The following ZNF398 variants were observed in gnomAD, a reference collection of about 807,000 sequenced individuals.
The protein encoded by ZNF398 is zinc finger protein 398.
Under a neutral mutation model 41.9 loss-of-function variants are expected in ZNF398, and 18 were observed. That is an observed-to-expected ratio of 0.43 (90% CI 0.30 to 0.64). ZNF398 has a LOEUF of 0.64. ZNF398 is among the 30% of genes least tolerant of loss of function. The pLI is 0.14. For synonymous variants in ZNF398, 260 were observed against 308.8 expected (o/e 0.84, Z 1.66); for missense variants, 669 against 822.8 (o/e 0.81, Z 2.29).
intron 4 of ZNF398, among the ~76,000 whole-genome samples, chr7:149,167,543 C>T (rs1585533560): frequency 6.6e-6 from 1 of 152,084 alleles, no homozygotes; most frequent in Non-Finnish European, 1.5e-5. Flanking sequence ...TAGAAGCACA[C>T]AGAAAGTTGA....
chr7:149,141,970 A>T (rs1267981499), intron 2 of ZNF398, among the ~76,000 whole-genome samples: 1 of 152,046 alleles, frequency 6.6e-6, no homozygotes, highest in Admixed American at 6.6e-5. Flanking sequence ...TTTGTTTAAG[A>T]CAGGGTCTCG....
At chr7:149,176,722 A>G (rs2129521803) in intron 5 of ZNF398, 141 bp downstream of exon 5, 1 of 559,144 alleles carries the variant, frequency 1.8e-6, no homozygotes, top group East Asian at 3.0e-5. Flanking sequence ...AACATTATGA[A>G]TGAAACCAAA....
At chr7:149,160,177 G>A (rs113647567) in intron 2 of ZNF398, among the ~76,000 whole-genome samples, 2,204 of 152,192 alleles carry the variant, frequency 0.014, 51 homozygotes, top group African/African-American at 0.049. Context: ...GGTGACTCAC[G>A]CCTGTAATCC....
In ZNF398 at chr7:149,154,067, C is replaced by A; in HGVS notation, c.147C>A (p.Ala49=). The A allele has an allele frequency of 6.2e-7, 1 of 1,614,208 alleles. No homozygotes were observed. Among genetic ancestry groups the A allele is most frequent in the South Asian group, 1.1e-5 (1 of 91,086 alleles). Residue 49 remains alanine, a synonymous_variant, in exon 2 of 6, where the codon GCC becomes GCA. Transcript: ENST00000475153. ...AAISLWTVVA[A]VQAIERKVEI... Reference sequence around the variant, plus strand: ...TCTCTCTGTGGACAGTGGTGGCCGCCGTGCAGGCTATAGAGAGGAAGGTGG... The same window carrying A: ...TCTCTCTGTGGACAGTGGTGGCCGCAGTGCAGGCTATAGAGAGGAAGGTGG...
Position 149,175,343 on chromosome 7 carries a change from C to CA in ZNF398, c.662-1112dup, listed in dbSNP as rs879598784. Among the ~76,000 whole-genome samples, 280 of 134,724 alleles carry CA rather than the reference C, an allele frequency of 2.1e-3. 1 individual carries two copies. Among genetic ancestry groups the CA allele is most frequent in the East Asian group, 7.5e-3 (35 of 4,692 alleles). The allele number at this position is 134,724 out of a possible 152,430, so 88.4% of individuals were successfully genotyped here. A position where few individuals can be genotyped will look rare whatever the true frequency, so the allele number is the denominator to read the frequency against. ...AGCTTGCCAACTTGTCCATTTAGTC[C>CA]AAAAAAAAAAAAATAATAAAGCCAT... is the stretch of plus-strand genomic sequence containing the variant. On this transcript the variant is annotated intron_variant, in intron 4 of 5. Coordinates refer to ENST00000475153, the MANE Select transcript of ZNF398 (RefSeq NM_170686.3).
At chr7:149,173,520 C>A (rs545902971) in intron 4 of ZNF398, among the ~76,000 whole-genome samples, 4 of 151,946 alleles carry the variant, frequency 2.6e-5, no homozygotes, top group Non-Finnish European at 5.9e-5. Context: ...AAAAATTACT[C>A]CTTGATCTGC....
intron 1 of ZNF398, among the ~76,000 whole-genome samples, chr7:149,149,102 G>C (rs912178207): frequency 1.3e-5 from 2 of 151,414 alleles, no homozygotes; most frequent in African/African-American, 2.4e-5. Flanking sequence ...CCAGGAGTTC[G>C]AGGCAGTCCA....
intron 1 of ZNF398, chr7:149,151,357 C>A (rs927279414): frequency 3.9e-6 from 3 of 777,822 alleles, no homozygotes; most frequent in Admixed American, 3.9e-5. Context: ...AAGCCAGGAA[C>A]GGGCAGATAC....
intron 1 of ZNF398, among the ~76,000 whole-genome samples, chr7:149,150,834 C>T (rs1251989140): frequency 3.3e-5 from 5 of 152,172 alleles, no homozygotes; most frequent in African/African-American, 2.4e-5. Context: ...CTCAGTCTCC[C>T]GAGTAGCTGG....
rs1204360454 is a variant in ZNF398 at position 149,183,024 on chromosome 7, TAAA to T, written c.*3239_*3241del. 1.6e-5 allele frequency among the ~76,000 whole-genome samples: 2 copies of T among 125,448 alleles called. No individual in the cohort carries two copies. The highest frequency in any genetic ancestry group is 2.6e-4 in the South Asian group (1 of 3,818). The allele number at this position is 125,448 out of a possible 152,430, so 82.3% of individuals were successfully genotyped here. On this transcript the variant is annotated 3_prime_UTR_variant, in exon 6 of 6. Coordinates refer to ENST00000475153, the MANE Select transcript of ZNF398 (RefSeq NM_170686.3). Reference sequence around the variant, plus strand: ...CAGTCCACACAAGCCTCGTTGATATTAAAAAAAAAAAAAAAAAAGGACCTCATT... The same window carrying T: ...CAGTCCACACAAGCCTCGTTGATATTAAAAAAAAAAAAAAAGGACCTCATT...
At chr7:149,159,850 C>T (rs962895823) in intron 2 of ZNF398, among the ~76,000 whole-genome samples, 9 of 151,924 alleles carry the variant, frequency 5.9e-5, no homozygotes, top group Non-Finnish European at 1.0e-4. Flanking sequence ...GTCTCAGTCC[C>T]GAGTAGCTGG....
intron 2 of ZNF398, among the ~76,000 whole-genome samples, chr7:149,159,804 T>C (rs1012563452): frequency 1.4e-4 from 22 of 152,034 alleles, no homozygotes; most frequent in African/African-American, 5.3e-4. Context: ...CTCCACTCAC[T>C]TCAGCCTCCA....
chr7:149,173,295 C>T (rs1031410545), intron 4 of ZNF398, among the ~76,000 whole-genome samples: 4 of 151,178 alleles, frequency 2.6e-5, no homozygotes, highest in East Asian at 1.9e-4. Flanking sequence ...TTAGTAGAGA[C>T]GGGGTTTCGC....
At position 149,170,396 on chromosome 7, in the gene ZNF398, G is replaced by T. The variant is rs541119353; in HGVS notation, c.661+3466G>T. Among the ~76,000 whole-genome samples the T allele has an allele frequency of 1.8e-4, 27 of 152,210 alleles. No homozygotes were observed. The South Asian group carries it at 5.6e-3, about 32-fold the overall frequency. Reference sequence around the variant, plus strand: ...TTGTAACACAATGGTAATTGTGTTTGTAAACACATGTAAAGATAGGAAAGG... The same window carrying T: ...TTGTAACACAATGGTAATTGTGTTTTTAAACACATGTAAAGATAGGAAAGG... On this transcript the variant is annotated intron_variant, in intron 4 of 5. Transcript: ENST00000475153.
At chr7:149,155,241 G>A (rs1199816980) in intron 2 of ZNF398, among the ~76,000 whole-genome samples, 8 of 152,144 alleles carry the variant, frequency 5.3e-5, no homozygotes, top group African/African-American at 1.4e-4. Flanking sequence ...CCAACAAGGC[G>A]AAACCCCATC....
At chr7:149,133,796 A>G (rs10238826) in intron 2 of ZNF398, among the ~76,000 whole-genome samples, 83,024 of 144,338 alleles carry the variant, frequency 0.58, 25,547 homozygotes, top group East Asian at 0.9. Context: ...CCCTTGTGCA[A>G]GCTGGAGTAC....
intron 1 of ZNF398, chr7:149,126,697 C>T: frequency 6.2e-6 from 1 of 161,938 alleles, no homozygotes; most frequent in Non-Finnish European, 1.3e-5. Context: ...GCCCCCAAGT[C>T]AGGGATGAGC....
intron 2 of ZNF398, among the ~76,000 whole-genome samples, chr7:149,156,876 G>A (rs1034353475): frequency 8.4e-4 from 109 of 130,442 alleles, no homozygotes; most frequent in African/African-American, 3.0e-3. Context: ...AAAAAAAAAA[G>A]AATAATTATA....
intron 2 of ZNF398, 130 bp downstream of exon 2, chr7:149,154,470 C>A: frequency 9.0e-7 from 1 of 1,107,184 alleles, no homozygotes; most frequent in Non-Finnish European, 1.2e-6. Flanking sequence ...CTGAAAGAAT[C>A]ATGAAGGTGT....
Sources: gnomAD v4.1 joint callset for allele counts (sites outside exome capture counted in the v4.1 genomes callset) on GRCh38, gnomAD v4.1.1 for gene constraint, MANE v1.5 for transcripts, NCBI Gene and HGNC (gene_info 2026-07-23, HGNC 2026-07-21) for gene names.